DDX10: variants seen among roughly 807,000 people sequenced by gnomAD.
DDX10 encodes DEAD-box helicase 10.
A neutral mutation model predicts 104.3 loss-of-function variants in DDX10; 74 were observed. The ratio of observed to expected loss-of-function variants is 0.71; its 90% confidence interval spans 0.59 to 0.86. The LOEUF (loss-of-function observed/expected upper bound fraction) is 0.86. DDX10 is among the 40% of genes least tolerant of loss of function. The probability of loss-of-function intolerance (pLI) is 0.00; values close to 1 mark genes in which losing one functional copy is unlikely to be tolerated. For synonymous variants in DDX10, 351 were observed against 353.4 expected, an observed-to-expected ratio of 0.99 and a Z score of 0.08; for missense variants, 952 against 1,040.0, an observed-to-expected ratio of 0.92 and a Z score of 1.16.
chr11:108,867,554 A>G (rs937686819), intron 16 of DDX10, among the ~76,000 whole-genome samples: 1 of 152,206 alleles, frequency 6.6e-6, no homozygotes. Flanking sequence ...GTCAGTCAAC[A>G]TAGAAGTCAT....
chr11:108,827,522 A>G (rs1862411879), intron 13 of DDX10, among the ~76,000 whole-genome samples: 1 of 152,182 alleles, frequency 6.6e-6, no homozygotes, highest in African/African-American at 2.4e-5. Flanking sequence ...TTTCTATTAA[A>G]CCTTTAAACA....
chr11:108,742,248 A>G (rs944398418), intron 13 of DDX10, among the ~76,000 whole-genome samples: 2 of 150,540 alleles, frequency 1.3e-5, no homozygotes, highest in Non-Finnish European at 3.0e-5. Context: ...CAACAAAGTG[A>G]GACTCTGTCT....
chr11:108,847,296 T>G (rs1862732959), intron 15 of DDX10, among the ~76,000 whole-genome samples: 1 of 152,208 alleles, frequency 6.6e-6, no homozygotes, highest in African/African-American at 2.4e-5. Flanking sequence ...GATTTTTACT[T>G]CAATGGAGTG....
At chr11:108,689,711 C>T (rs1305142474) in intron 7 of DDX10, among the ~76,000 whole-genome samples, 1 of 152,158 alleles carries the variant, frequency 6.6e-6, no homozygotes, top group Non-Finnish European at 1.5e-5. Flanking sequence ...GGACTACGGT[C>T]TTTGTGCATG....
chr11:108,796,143 C>T (rs546525510), intron 13 of DDX10, among the ~76,000 whole-genome samples: 2 of 152,178 alleles, frequency 1.3e-5, no homozygotes, highest in South Asian at 2.1e-4. Context: ...CTGTATGATC[C>T]GTTGTGATTC....
At chr11:108,845,916 A>G (rs1177640100) in intron 15 of DDX10, among the ~76,000 whole-genome samples, 1 of 152,060 alleles carries the variant, frequency 6.6e-6, no homozygotes, top group Non-Finnish European at 1.5e-5. Flanking sequence ...TTGCATGTGC[A>G]CTCATTCTTA....
intron 10 of DDX10, among the ~76,000 whole-genome samples, chr11:108,708,446 A>G (rs796243229): frequency 6.6e-5 from 10 of 151,542 alleles, no homozygotes; most frequent in African/African-American, 1.9e-4. Flanking sequence ...GTTGGATTCA[A>G]TGTGCTAATA....
At position 108,723,461 on chromosome 11, in the gene DDX10, A is replaced by G. The variant is rs150262284; in HGVS notation, c.1964A>G (p.Gln655Arg). 1.7e-4 allele frequency: 273 copies of G among 1,608,594 alleles called. No individual in the cohort carries two copies. The African/African-American group carries it at 3.5e-3, about 20-fold the overall frequency. Residue 655 changes from glutamine to arginine, a missense_variant and splice_region_variant, in exon 13 of 18, where the codon CAG becomes CGG. Transcript: ENST00000322536. The stretch of plus-strand genomic sequence containing the variant: ...GACCTTAAAGACGAGAAAACATTAC[A>G]GGTAAGTTTACTCCCAGTGGAGGGT... ...GLDLKDEKTL[Q>R]KKEPSKSSIK...
In DDX10 at chr11:108,937,649, G is replaced by A. The variant is rs17108759; in HGVS notation, c.2451-2597G>A. Among the ~76,000 whole-genome samples, 1,450 of 152,194 alleles carry A rather than the reference G, an allele frequency of 9.5e-3. 37 individuals carry two copies. Among genetic ancestry groups the A allele is most frequent in the South Asian group, 0.084 (403 of 4,816 alleles). Reference sequence around the variant, plus strand: ...GAATTTCCCTGTCATCATCTGTTCCGATTACATATTACTTGATGATTTTTT... The same window carrying A: ...GAATTTCCCTGTCATCATCTGTTCCAATTACATATTACTTGATGATTTTTT... On this transcript the variant is annotated intron_variant, in intron 17 of 17. Coordinates refer to ENST00000322536, the MANE Select transcript of DDX10 (RefSeq NM_004398.4).
At chr11:108,740,194 C>T (rs1052161455) in intron 13 of DDX10, among the ~76,000 whole-genome samples, 1 of 151,992 alleles carries the variant, frequency 6.6e-6, no homozygotes, top group African/African-American at 2.4e-5. Flanking sequence ...TCCATATGTA[C>T]TCAATGTTTA....
chr11:108,823,123 T>C (rs2134579488), intron 13 of DDX10, among the ~76,000 whole-genome samples: 1 of 152,342 alleles, frequency 6.6e-6, no homozygotes, highest in African/African-American at 2.4e-5. Flanking sequence ...CCAGTGTTTT[T>C]TTAAAATCAC....
chr11:108,848,689 A>G (rs956982926), intron 15 of DDX10, among the ~76,000 whole-genome samples: 1 of 152,198 alleles, frequency 6.6e-6, no homozygotes, highest in Non-Finnish European at 1.5e-5. Context: ...TGAGACAAGT[A>G]TTCAGAATTA....
chr11:108,825,575 T>C (rs1470759861), intron 13 of DDX10, among the ~76,000 whole-genome samples: 1 of 152,186 alleles, frequency 6.6e-6, no homozygotes, highest in Non-Finnish European at 1.5e-5. Flanking sequence ...GTAGTATTGG[T>C]CTGGGGTGGG....
chr11:108,914,386 A>T (rs1346335422), intron 16 of DDX10, among the ~76,000 whole-genome samples: 1 of 152,216 alleles, frequency 6.6e-6, no homozygotes, highest in African/African-American at 2.4e-5. Flanking sequence ...AGAGGCAGCC[A>T]CAGAGAGGGT....
intron 16 of DDX10, among the ~76,000 whole-genome samples, chr11:108,886,298 G>A (rs945447104): frequency 6.6e-6 from 1 of 152,190 alleles, no homozygotes; most frequent in Non-Finnish European, 1.5e-5. Context: ...ATCCCCATTT[G>A]CAGATGAGAA....
rs142635472 is a variant in DDX10, at chr11:108,854,850, G to T, written c.2304+2641G>T. 2.0e-5 allele frequency among the ~76,000 whole-genome samples: 3 copies of T among 152,138 alleles called. No homozygotes were observed. The East Asian group carries it at 5.8e-4, about 29-fold the overall frequency. The stretch of plus-strand genomic sequence containing the variant: ...CAATTTTAGAAATGAATCTTCTCTG[G>T]CATATTGAAAGTACTTCTAAGAAAA... On this transcript the variant is annotated intron_variant, in intron 16 of 17. Coordinates refer to ENST00000322536, the MANE Select transcript of DDX10 (RefSeq NM_004398.4).
intron 8 of DDX10, 36 bp downstream of exon 8, chr11:108,692,074 G>A (rs201497533): frequency 6.5e-7 from 1 of 1,549,716 alleles, no homozygotes; most frequent in Non-Finnish European, 8.8e-7. Context: ...TTCTGTGATT[G>A]TGTGAAATGT....
rs2094231770 is a variant in DDX10, at chr11:108,679,563, A to T, written c.848+3A>T. The T allele has an allele frequency of 1.3e-6, 2 of 1,572,118 alleles. No homozygotes were observed. Among genetic ancestry groups the T allele is most frequent in the African/African-American group, 2.7e-5 (2 of 72,778 alleles). The stretch of plus-strand genomic sequence containing the variant: ...GTTCATGAAAAAGCAAAATATAGGT[A>T]TGTACTCTTTGAGTCAATCAAGATA... On this transcript the variant is annotated splice_donor_region_variant and intron_variant, in intron 6 of 17. Coordinates refer to ENST00000322536, the MANE Select transcript of DDX10 (RefSeq NM_004398.4).
intron 13 of DDX10, among the ~76,000 whole-genome samples, chr11:108,828,744 C>T (rs2134584599): frequency 6.6e-6 from 1 of 152,334 alleles, no homozygotes; most frequent in African/African-American, 2.4e-5. Context: ...TTGTCTCAGC[C>T]TCCTGAGTAG....
Sources: allele counts gnomAD v4.1 joint callset (sites outside exome capture counted in the v4.1 genomes callset), GRCh38; gene constraint gnomAD v4.1.1; transcripts MANE v1.5; gene names NCBI Gene and HGNC (gene_info 2026-07-23, HGNC 2026-07-21).